CFAP47: variants seen among roughly 807,000 people sequenced by gnomAD.
The protein encoded by CFAP47 is cilia and flagella associated protein 47.
A neutral mutation model predicts 148.1 loss-of-function variants in CFAP47; 29 were observed. The ratio of observed to expected loss-of-function variants is 0.20; its 90% confidence interval spans 0.15 to 0.27. The LOEUF is 0.27. Ranked by LOEUF, CFAP47 falls within the 10% of genes least tolerant of loss-of-function variation. The pLI is 1.00. For missense variants in CFAP47, 1,872 were observed against 1,697.5 expected (o/e 1.10, Z -1.81); for synonymous variants, 664 against 577.3 (o/e 1.15, Z -2.15).
intron 40 of CFAP47, among the ~76,000 whole-genome samples, chrX:36,183,466 C>T (rs1166615782): frequency 8.9e-6 from 1 of 111,857 alleles, no homozygotes; most frequent in South Asian, 3.7e-4. Context: ...GCAGCATGAC[C>T]TAGCCTATAC....
chrX:35,970,734 AT>A, intron 10 of CFAP47, 33 bp from the exon 11 acceptor site: 1 of 1,088,391 alleles, frequency 9.2e-7, no homozygotes, highest in Non-Finnish European at 1.2e-6. Context: ...AAATGCATAT[AT>A]AAAAATATTA....
intron 28 of CFAP47, among the ~76,000 whole-genome samples, chrX:36,072,431 GTA>G (rs1937773293): frequency 8.9e-6 from 1 of 112,045 alleles, no homozygotes; most frequent in South Asian, 3.7e-4. Context: ...CTAACTAACT[GTA>G]GCCAAGGTTT....
intron 40 of CFAP47, among the ~76,000 whole-genome samples, chrX:36,185,072 G>A (rs782798220): frequency 4.5e-5 from 5 of 111,172 alleles, no homozygotes; most frequent in Admixed American, 3.8e-4. Context: ...AAATACTATC[G>A]ATTGAGGGGC....
chrX:35,951,982 C>T lies in CFAP47; in HGVS notation c.1046+19C>T. The T allele has an allele frequency of 8.8e-7, 1 of 1,140,303 alleles. No individual in the cohort carries two copies. The highest frequency in any genetic ancestry group is 1.2e-6 in the Non-Finnish European group (1 of 864,900). 94.0% of individuals were successfully genotyped at this position (1,140,303 alleles called of 1,213,427 possible). On this transcript the variant is annotated intron_variant, in intron 6 of 63. Transcript: ENST00000378653. ...CCCCAAAGTAAGCAAAAATTAATTTCATTGTAATGTTAAATATTAATGGAA... is the reference window on the plus strand; with the variant it reads ...CCCCAAAGTAAGCAAAAATTAATTTTATTGTAATGTTAAATATTAATGGAA...
At chrX:36,036,201 C>G (rs747119967) in intron 24 of CFAP47, among the ~76,000 whole-genome samples, 20 of 110,991 alleles carry the variant, frequency 1.8e-4, no homozygotes, top group African/African-American at 6.2e-4. Flanking sequence ...TGATCAACGT[C>G]TCCCCATTTC....
At chrX:36,015,110 T>A (rs894981499) in intron 22 of CFAP47, among the ~76,000 whole-genome samples, 198 bp downstream of exon 22, 1 of 110,421 alleles carries the variant, frequency 9.1e-6, no homozygotes, top group East Asian at 2.8e-4. Flanking sequence ...GCAGATATAA[T>A]CTCTGGCAAG....
chrX:36,303,754 A>G (rs1205456750), intron 53 of CFAP47, 95 bp from the exon 54 acceptor site: 2 of 425,845 alleles, frequency 4.7e-6, no homozygotes, highest in Admixed American at 9.6e-5. Flanking sequence ...TTATGGGGTG[A>G]CATATTTTAA....
intron 42 of CFAP47, among the ~76,000 whole-genome samples, chrX:36,191,566 TGAA>T (rs1399372599): frequency 8.9e-6 from 1 of 111,895 alleles, no homozygotes; most frequent in South Asian, 3.7e-4. Context: ...GTTTCTTACA[TGAA>T]GAAGATCTAT....
Position 36,166,801 on chromosome X carries a change from G to A in CFAP47, c.6026+6032G>A, listed in dbSNP as rs759961550. ...TGACTGGCTGGGTTATTTTGGTGAT[G>A]TCTATCTCCCCCTGCTCAAACCTAC... On this transcript the variant is annotated intron_variant, in intron 39 of 63. Transcript: ENST00000378653. Among the ~76,000 whole-genome samples, 5 of 111,303 alleles carry A rather than the reference G, an allele frequency of 4.5e-5. No individual in the cohort carries two copies. The South Asian group carries it at 1.9e-3, about 42-fold the overall frequency.
In CFAP47 at chrX:36,039,171, C is replaced by A; in HGVS notation, c.3999C>A (p.Asn1333Lys). The change falls in exon 25 of 64, where the codon AAC (asparagine) becomes AAA (lysine). Residue 1333 changes from asparagine (N) to lysine (K), a missense_variant. Transcript: ENST00000378653. The part of the protein sequence containing the change: ...TVMDINILPQ[N>K]YFRNSTLCVQ... ...TGGATATCAACATTTTACCTCAAAACTATTTCAGGTAAATACTCAATGTGA... is the reference window on the plus strand; with the variant it reads ...TGGATATCAACATTTTACCTCAAAAATATTTCAGGTAAATACTCAATGTGA... 1 of 1,033,911 alleles carries A rather than the reference C, an allele frequency of 9.7e-7. No homozygotes were observed. Among genetic ancestry groups the A allele is most frequent in the Non-Finnish European group, 1.3e-6 (1 of 773,158 alleles). The allele number at this position is 1,033,911 out of a possible 1,213,427, so 85.2% of individuals were successfully genotyped here. A position where few individuals can be genotyped will look rare whatever the true frequency, so the allele number is the denominator to read the frequency against.
intron 45 of CFAP47, chrX:36,211,342 A>C (rs1396294825): frequency 1.5e-5 from 4 of 258,212 alleles, no homozygotes; most frequent in Non-Finnish European, 2.9e-5. Flanking sequence ...AGAAATGAAA[A>C]TATATCCCTA....
Position 36,325,144 on chromosome X carries a change from A to G in CFAP47, c.8443+5837A>G, listed in dbSNP as rs1168916384. Reference sequence around the variant, plus strand: ...ACAATTTTTGGCATACCTTTGTATCACCTATATAATAATTTAAAGGCATTC... The same window carrying G: ...ACAATTTTTGGCATACCTTTGTATCGCCTATATAATAATTTAAAGGCATTC... On this transcript the variant is annotated intron_variant, in intron 57 of 63. Transcript: ENST00000378653. 2.9e-4 allele frequency among the ~76,000 whole-genome samples: 32 copies of G among 111,807 alleles called. No individual in the cohort carries two copies. The Admixed American group carries it at 3.1e-3, about 11-fold the overall frequency.
intron 33 of CFAP47, among the ~76,000 whole-genome samples, chrX:36,134,694 G>A (rs375206766): frequency 3.6e-5 from 4 of 110,654 alleles, no homozygotes; most frequent in East Asian, 2.9e-4. Flanking sequence ...ATATATACAC[G>A]TATATACATG....
In CFAP47 at chrX:36,071,848, A is replaced by G. The variant is rs774678170; in HGVS notation, c.4342A>G (p.Thr1448Ala). The part of the protein sequence containing the change: ...KNDKDEYLKK[T>A]RDGVLPPYQD... Reference sequence around the variant, plus strand: ...AGATAAGGATGAATATCTTAAGAAGACTAGAGATGGTGTTTTGCCTCCCTA... The same window carrying G: ...AGATAAGGATGAATATCTTAAGAAGGCTAGAGATGGTGTTTTGCCTCCCTA... Residue 1448 changes from threonine to alanine, a missense_variant, in exon 28 of 64, where the codon ACT (threonine) becomes GCT (alanine). Transcript: ENST00000378653. The G allele has an allele frequency of 5.0e-6, 6 of 1,207,662 alleles. No homozygotes were observed. In the South Asian group the frequency reaches 5.3e-5, roughly 11 times the overall value.
At chrX:36,269,062 C>T (rs1456746134) in intron 49 of CFAP47, among the ~76,000 whole-genome samples, 1 of 111,527 alleles carries the variant, frequency 9.0e-6, no homozygotes, top group Admixed American at 9.5e-5. Flanking sequence ...TACTGATAAA[C>T]CTTTGACTCT....
At chrX:36,083,260 CATGTATACATGCATGTATACATGTACGT>C (rs1160709459) in intron 29 of CFAP47, among the ~76,000 whole-genome samples, 1 of 109,792 alleles carries the variant, frequency 9.1e-6, no homozygotes, top group East Asian at 2.9e-4. Flanking sequence ...TACATATATG[CATGTATACATGCATGTATACATGTACGT>C]ATGTATACAC....
chrX:36,200,525 A>T (rs1363607671), intron 43 of CFAP47, 32 bp downstream of exon 43: 1 of 292,404 alleles, frequency 3.4e-6, no homozygotes, highest in Non-Finnish European at 6.0e-6. Flanking sequence ...TTTCATTTAT[A>T]ATGTTGAAGA....
chrX:36,328,224 C>T (rs1556013428), intron 57 of CFAP47, among the ~76,000 whole-genome samples: 1 of 111,636 alleles, frequency 9.0e-6, no homozygotes, highest in East Asian at 2.8e-4. Flanking sequence ...ACAACAAAAA[C>T]CCTGAAATTG....
At chrX:36,366,610 A>G (rs1392941106) in intron 61 of CFAP47, among the ~76,000 whole-genome samples, 2 of 110,694 alleles carry the variant, frequency 1.8e-5, no homozygotes, top group Non-Finnish European at 3.8e-5. Context: ...ACATGGGTCT[A>G]TTTTGCCAAA....
Sources: allele counts gnomAD v4.1 joint callset (sites outside exome capture counted in the v4.1 genomes callset), GRCh38; gene constraint gnomAD v4.1.1; transcripts MANE v1.5; gene names NCBI Gene and HGNC (gene_info 2026-07-23, HGNC 2026-07-21).